The following ATF6B variants were observed in gnomAD, a reference collection of about 807,000 sequenced individuals.
ATF6B encodes the protein activating transcription factor 6 beta.
Under a neutral mutation model 83.5 loss-of-function variants are expected in ATF6B, and 50 were observed. That is an observed-to-expected ratio of 0.60 (90% confidence interval 0.48 to 0.76). ATF6B has a LOEUF of 0.76. ATF6B is among the 30% of genes least tolerant of loss of function. The probability of loss-of-function intolerance (pLI) is 0.00; values close to 1 mark genes in which losing one functional copy is unlikely to be tolerated. For synonymous variants in ATF6B, 344 were observed against 362.8 expected, an observed-to-expected ratio of 0.95 and a Z score of 0.59; for missense variants, 790 against 893.8, an observed-to-expected ratio of 0.88 and a Z score of 1.48.
rs1188186026 is a variant in ATF6B, at chr6:32,118,338, A to G, written c.1245-300T>C. ...CCGGGCGAGGTGGCTCAAGCCTGTA[A>G]TCCTAGCACTTTGGGAGGCTGAGGT... On this transcript the variant is annotated intron_variant, in intron 11 of 17. Transcript: ENST00000375203. The surrounding 1 kb of genome is among the most constrained non-coding windows in gnomAD (Gnocchi z 5.2). Among the ~76,000 whole-genome samples the G allele has an allele frequency of 2.0e-5, 3 of 152,208 alleles. No individual in the cohort carries two copies. The highest frequency in any genetic ancestry group is 1.9e-4 in the East Asian group (1 of 5,198).
rs1781624108 is a variant in ATF6B at position 32,118,570 on chromosome 6, TG to T, written c.1244+204del. Among the ~76,000 whole-genome samples, 1 of 152,204 alleles carries T rather than the reference TG, an allele frequency of 6.6e-6. No individual in the cohort carries two copies. The highest frequency in any genetic ancestry group is 2.1e-4 in the South Asian group (1 of 4,824). On this transcript the variant is annotated intron_variant, in intron 11 of 17. Transcript: ENST00000375203. This position sits in a 1 kb window ranked among gnomAD's most constrained non-coding sequence, Gnocchi z 5.2. ...GAGATCGTGCCACTGCACTCCAGCC[TG>T]GGCAACAGAACAAGGCTCCATCTCC...
intron 5 of ATF6B, among the ~76,000 whole-genome samples, chr6:32,122,416 C>G (rs1262179491): frequency 6.6e-6 from 1 of 152,258 alleles, no homozygotes; most frequent in Non-Finnish European, 1.5e-5. Context: ...CAGTCCACCA[C>G]TACCTCTGGT....
chr6:32,118,951 C>T lies in ATF6B; in HGVS notation c.1152+5G>A. The T allele has an allele frequency of 6.2e-7, 1 of 1,613,916 alleles. No homozygotes were observed. The highest frequency in any genetic ancestry group is 1.3e-5 in the African/African-American group (1 of 75,056). On this transcript the variant is annotated splice_donor_5th_base_variant and intron_variant, in intron 10 of 17. Coordinates refer to ENST00000375203, the MANE Select transcript of ATF6B (RefSeq NM_004381.5). The surrounding 1 kb of genome is among the most constrained non-coding windows in gnomAD (Gnocchi z 5.2). ...GTTGGTCTCCCAGGGACAGACTGGTCTTACTTCAGCCAGCAGGGCCTCCAG... is the reference window on the plus strand; with the variant it reads ...GTTGGTCTCCCAGGGACAGACTGGTTTTACTTCAGCCAGCAGGGCCTCCAG...
chr6:32,121,109 C>T lies in ATF6B; in HGVS notation c.580G>A (p.Glu194Lys), dbSNP rs1781748616. ...DSSSQAFIGE[E>K]VLEVKTESLS... Reference sequence around the variant, plus strand: ...GACTCTGTCTTCACTTCCAGGACCTCCTCTCCTATAAAAGCCTATGTGGGG... The same window carrying T: ...GACTCTGTCTTCACTTCCAGGACCTTCTCTCCTATAAAAGCCTATGTGGGG... Residue 194 changes from glutamate (E) to lysine (K), a missense_variant, in exon 7 of 18, where the codon GAG becomes AAG. By Grantham distance (56) the Glu-to-Lys change is moderately conservative (BLOSUM62 1). This residue lies in a region of ATF6B where 253 missense variants were observed against 243.1 expected (regional missense o/e 1.04). Transcript: ENST00000375203. 1.9e-6 allele frequency: 3 copies of T among 1,575,910 alleles called. No individual in the cohort carries two copies. The highest frequency in any genetic ancestry group is 1.7e-4 in the Middle Eastern group (1 of 5,826).
intron 1 of ATF6B, 124 bp from the exon 2 acceptor site, chr6:32,127,874 G>A: frequency 8.6e-7 from 1 of 1,158,048 alleles, no homozygotes; most frequent in Non-Finnish European, 1.2e-6. Flanking sequence ...CACTTGAAAA[G>A]TGATACAACC....
At position 32,117,826 on chromosome 6, in the gene ATF6B, A is replaced by C. The variant is rs1289353112; in HGVS notation, c.1424+33T>G. The stretch of plus-strand genomic sequence containing the variant: ...GGGGAGAAGACCAACTCATACCCTC[A>C]AACGAGAGGGGGCCCTCTCTCTCTC... On this transcript the variant is annotated intron_variant, in intron 12 of 17. Transcript: ENST00000375203. The surrounding 1 kb of genome is among the most constrained non-coding windows in gnomAD (Gnocchi z 5.0). The C allele has an allele frequency of 6.4e-7, 1 of 1,554,606 alleles. No individual in the cohort carries two copies. Among genetic ancestry groups the C allele is most frequent in the Non-Finnish European group, 8.7e-7 (1 of 1,152,726 alleles).
chr6:32,128,226 A>ACC lies in ATF6B; in HGVS notation c.-20_-19insGG. On this transcript the variant is annotated 5_prime_UTR_variant, in exon 1 of 18. Transcript: ENST00000375203. ...CCGCCATCTTTCCCCCCCACCCCCC[A>ACC]ACCAGGAGACGGTTCCCAAGGCCCG... is the stretch of plus-strand genomic sequence containing the variant. 2.1e-6 allele frequency: 2 copies of ACC among 952,220 alleles called. No individual in the cohort carries two copies. Among genetic ancestry groups the ACC allele is most frequent in the Non-Finnish European group, 1.3e-6 (1 of 743,182 alleles). The allele number at this position is 952,220 out of a possible 1,614,324, so 59.0% of individuals were successfully genotyped here.
At chr6:32,124,933 C>T (rs1041293653) in intron 5 of ATF6B, among the ~76,000 whole-genome samples, 5 of 151,908 alleles carry the variant, frequency 3.3e-5, no homozygotes, top group Non-Finnish European at 7.4e-5. Flanking sequence ...CTGCAAGCTC[C>T]GCCTCCCGGG....
intron 2 of ATF6B, 23 bp from the exon 3 acceptor site, chr6:32,127,543 G>A: frequency 1.2e-6 from 2 of 1,611,448 alleles, no homozygotes; most frequent in South Asian, 1.1e-5. Context: ...GGATACAAGA[G>A]GGCAGGAGTG....
In ATF6B at chr6:32,118,754, G is replaced by C. The variant is rs539497876; in HGVS notation, c.1244+21C>G. 3.7e-6 allele frequency: 6 copies of C among 1,611,896 alleles called. No individual in the cohort carries two copies. The Admixed American group carries it at 1.0e-4, about 27-fold the overall frequency. On this transcript the variant is annotated intron_variant, in intron 11 of 17. Transcript: ENST00000375203. The surrounding 1 kb of genome is among the most constrained non-coding windows in gnomAD (Gnocchi z 5.2). Reference sequence around the variant, plus strand: ...CGTGGGCTCCACCTGGAAGGTTCTAGTGAAGCAAGGAAGGTCTCACCTGAC... The same window carrying C: ...CGTGGGCTCCACCTGGAAGGTTCTACTGAAGCAAGGAAGGTCTCACCTGAC...
rs1205502962 is a variant in ATF6B at position 32,117,112 on chromosome 6, AAGG to A, written c.1615-8_1615-6del. On this transcript the variant is annotated splice_region_variant and splice_polypyrimidine_tract_variant and intron_variant, in intron 14 of 17. Coordinates refer to ENST00000375203, the MANE Select transcript of ATF6B (RefSeq NM_004381.5). This position sits in a 1 kb window ranked among gnomAD's most constrained non-coding sequence, Gnocchi z 5.0. ...CTTCTTCCGTGGCTGAGACTTCTGG[AAGG>A]AGAAGTATCTAAGGACTTGGAGAGG... The A allele has an allele frequency of 1.9e-6, 3 of 1,613,492 alleles. No individual in the cohort carries two copies. Among genetic ancestry groups the A allele is most frequent in the South Asian group, 1.1e-5 (1 of 91,076 alleles).
In ATF6B at chr6:32,119,064, C is replaced by T. The variant is rs1781648786; in HGVS notation, c.1044G>A (p.Glu348=). 3.1e-6 allele frequency: 5 copies of T among 1,614,130 alleles called. No individual in the cohort carries two copies. The highest frequency in any genetic ancestry group is 4.2e-6 in the Non-Finnish European group (5 of 1,180,032). The change falls in exon 10 of 18, where the codon GAG becomes GAA. Residue 348 remains glutamate, a synonymous_variant. Coordinates refer to ENST00000375203, the MANE Select transcript of ATF6B (RefSeq NM_004381.5). The surrounding 1 kb of genome is among the most constrained non-coding windows in gnomAD (Gnocchi z 4.9). The part of the protein sequence containing the change: ...SACQSRRKKK[E]YLQGLEARLQ... ...GCCGAGCCTCCAGTCCCTGCAGATA[C>T]TCTTTCTTCTTTCTCCGGGACTGGC... is the stretch of plus-strand genomic sequence containing the variant.
chr6:32,127,025 A>T, intron 4 of ATF6B, 78 bp downstream of exon 4: 1 of 1,283,318 alleles, frequency 7.8e-7, no homozygotes, highest in Non-Finnish European at 1.1e-6. Context: ...CATTTAAATC[A>T]TTTCTTTGTC....
At chr6:32,124,061 G>A (rs887175143) in intron 5 of ATF6B, among the ~76,000 whole-genome samples, 4 of 152,092 alleles carry the variant, frequency 2.6e-5, no homozygotes, top group Non-Finnish European at 4.4e-5. Context: ...TTAGCCAGGC[G>A]TGGTGGAGCA....
chr6:32,121,591 C>T (rs45470497), intron 5 of ATF6B, among the ~76,000 whole-genome samples: 1,551 of 152,198 alleles, frequency 0.01, 15 homozygotes, highest in Non-Finnish European at 0.013. Flanking sequence ...GTCCCAGATA[C>T]TCAGGAGGCT....
At position 32,128,068 on chromosome 6, in the gene ATF6B, T is replaced by G. The variant is rs758207234; in HGVS notation, c.91+49A>C. 5 of 1,599,170 alleles carry G rather than the reference T, an allele frequency of 3.1e-6. No individual in the cohort carries two copies. In the African/African-American group the frequency reaches 6.7e-5, roughly 21 times the overall value. Reference sequence around the variant, plus strand: ...TTTAGGCCCCCGCTTCTTTCCCGCGTGCCTCAGGGACAGTTTGCCACAGCC... The same window carrying G: ...TTTAGGCCCCCGCTTCTTTCCCGCGGGCCTCAGGGACAGTTTGCCACAGCC... On this transcript the variant is annotated intron_variant, in intron 1 of 17. Coordinates refer to ENST00000375203, the MANE Select transcript of ATF6B (RefSeq NM_004381.5).
Position 32,128,214 on chromosome 6 carries a change from C to CCCCCCCCCCCCCCCCCCCCCCCCGGG in ATF6B, c.-8_-7insCCCGGGGGGGGGGGGGGGGGGGGGGG. 1 of 1,545,256 alleles carries CCCCCCCCCCCCCCCCCCCCCCCCGGG rather than the reference C, an allele frequency of 6.5e-7. No homozygotes were observed. Among genetic ancestry groups the CCCCCCCCCCCCCCCCCCCCCCCCGGG allele is most frequent in the Non-Finnish European group, 8.8e-7 (1 of 1,140,548 alleles). On this transcript the variant is annotated 5_prime_UTR_variant, in exon 1 of 18. Coordinates refer to ENST00000375203, the MANE Select transcript of ATF6B (RefSeq NM_004381.5). ...GCAGCATCAGCTCCGCCATCTTTCC[C>CCCCCCCCCCCCCCCCCCCCCCCCGGG]CCCCACCCCCCAACCAGGAGACGGT...
At chr6:32,121,841 G>A (rs899165908) in intron 5 of ATF6B, among the ~76,000 whole-genome samples, 1 of 152,024 alleles carries the variant, frequency 6.6e-6, no homozygotes, top group Non-Finnish European at 1.5e-5. Flanking sequence ...TCTCCGCCCC[G>A]CTTTTCGCCT....
At position 32,127,763 on chromosome 6, in the gene ATF6B, C is replaced by G. The variant is rs1561772549; in HGVS notation, c.92-13G>C. The G allele has an allele frequency of 6.2e-7, 1 of 1,613,968 alleles. No individual in the cohort carries two copies. The highest frequency in any genetic ancestry group is 8.5e-7 in the Non-Finnish European group (1 of 1,179,876). ...TACAAGGTGCTGTCTGCAAGAAATGCTGAGCGTCGGGGGGTCGTTCGGTGG... is the reference window on the plus strand; with the variant it reads ...TACAAGGTGCTGTCTGCAAGAAATGGTGAGCGTCGGGGGGTCGTTCGGTGG... On this transcript the variant is annotated splice_polypyrimidine_tract_variant and intron_variant, in intron 1 of 17. Transcript: ENST00000375203.
Sources: allele counts gnomAD v4.1 joint callset (sites outside exome capture counted in the v4.1 genomes callset), GRCh38; gene constraint gnomAD v4.1.1; regional missense constraint gnomAD v4.1.1; non-coding constraint Gnocchi (gnomAD v3.1); transcripts MANE v1.5; gene names NCBI Gene and HGNC (gene_info 2026-07-23, HGNC 2026-07-21).